The following LRRC7 variants were observed in gnomAD, a reference collection of about 807,000 sequenced individuals.
LRRC7 encodes leucine rich repeat containing 7.
Under a neutral mutation model 175.7 loss-of-function variants are expected in LRRC7, and 23 were observed. That is an observed-to-expected ratio of 0.13 (90% CI 0.09 to 0.19). LRRC7 has a LOEUF of 0.19. Ranked by LOEUF, LRRC7 falls within the 10% of genes least tolerant of loss-of-function variation. The probability of loss-of-function intolerance (pLI) is 1.00; values close to 1 mark genes in which losing one functional copy is unlikely to be tolerated. For missense variants in LRRC7, 1,354 were observed against 1,904.7 expected (o/e 0.71, Z 5.38); for synonymous variants, 685 against 680.9 (o/e 1.01, Z -0.09).
At chr1:70,082,279 G>A (rs1663262894) in intron 24 of LRRC7, among the ~76,000 whole-genome samples, 2 of 152,164 alleles carry the variant, frequency 1.3e-5, no homozygotes, top group African/African-American at 2.4e-5. Context: ...AAAGGTATTT[G>A]TAAAATAGGT....
chr1:69,828,123 C>G (rs7531255), intron 5 of LRRC7, among the ~76,000 whole-genome samples: 86,796 of 151,896 alleles, frequency 0.57, 24,923 homozygotes, highest in East Asian at 0.7. Flanking sequence ...CCCCTTTATT[C>G]CCAGGTAGTA....
intron 25 of LRRC7, among the ~76,000 whole-genome samples, chr1:70,091,501 A>G (rs974584705): frequency 6.6e-6 from 1 of 152,126 alleles, no homozygotes; most frequent in Admixed American, 6.6e-5. Context: ...TCTTTTCACT[A>G]TATTTTTGGA....
chr1:69,730,687 A>G (rs1485269186), intron 2 of LRRC7, among the ~76,000 whole-genome samples: 3 of 152,020 alleles, frequency 2.0e-5, no homozygotes, highest in Admixed American at 6.6e-5. Flanking sequence ...ACATTTTCCT[A>G]TCTTCTTCTG....
intron 4 of LRRC7, among the ~76,000 whole-genome samples, chr1:69,822,172 G>A (rs1300359296): frequency 1.3e-5 from 2 of 152,114 alleles, no homozygotes; most frequent in African/African-American, 2.4e-5. Flanking sequence ...GTCCCACAAA[G>A]CCAGGCTGTG....
intron 1 of LRRC7, among the ~76,000 whole-genome samples, chr1:69,663,421 A>G (rs893858207): frequency 2.0e-5 from 3 of 152,208 alleles, no homozygotes; most frequent in Non-Finnish European, 2.9e-5. Flanking sequence ...CATACAAATG[A>G]TATTAGGATA....
rs75069242 is a variant in LRRC7, at chr1:69,650,752, G to A, written c.3-27629G>A. Among the ~76,000 whole-genome samples the A allele has an allele frequency of 2.4e-3, 362 of 151,908 alleles. 2 individuals are homozygous for A. Among genetic ancestry groups the A allele is most frequent in the African/African-American group, 8.3e-3 (344 of 41,358 alleles). The stretch of plus-strand genomic sequence containing the variant: ...TATGTTGTGCAATTTCTTATAATCA[G>A]AAAATCTTAATCATTTCTTTTAAAA... On this transcript the variant is annotated intron_variant, in intron 1 of 26. Coordinates refer to ENST00000651989, the MANE Select transcript of LRRC7 (RefSeq NM_001370785.2).
At chr1:69,724,800 A>T (rs1264697200) in intron 2 of LRRC7, among the ~76,000 whole-genome samples, 1 of 152,180 alleles carries the variant, frequency 6.6e-6, no homozygotes, top group African/African-American at 2.4e-5. Flanking sequence ...GAATTTTTTT[A>T]AATAAAATCA....
At chr1:70,070,822 C>T (rs1008325080) in intron 23 of LRRC7, among the ~76,000 whole-genome samples, 4 of 152,144 alleles carry the variant, frequency 2.6e-5, no homozygotes, top group Non-Finnish European at 5.9e-5. Flanking sequence ...TCTCTGACAC[C>T]ACCTCGTTAG....
intron 2 of LRRC7, among the ~76,000 whole-genome samples, chr1:69,748,615 T>C: frequency 6.6e-6 from 1 of 152,178 alleles, no homozygotes; most frequent in Non-Finnish European, 1.5e-5. Context: ...CAATAGACCA[T>C]GCCAAATCAT....
chr1:70,062,829 GT>G, intron 23 of LRRC7, among the ~76,000 whole-genome samples: 1 of 152,052 alleles, frequency 6.6e-6, no homozygotes, highest in East Asian at 1.9e-4. Context: ...ATTCATAGGT[GT>G]TTTTAAAGCT....
chr1:69,883,021 C>T (rs1686795883), intron 7 of LRRC7, among the ~76,000 whole-genome samples: 1 of 151,990 alleles, frequency 6.6e-6, no homozygotes, highest in South Asian at 2.1e-4. Flanking sequence ...CATTGTTGGA[C>T]ATTTGGGTTG....
intron 1 of LRRC7, among the ~76,000 whole-genome samples, chr1:69,589,385 C>T (rs1485973128): frequency 1.3e-5 from 2 of 152,110 alleles, no homozygotes; most frequent in Non-Finnish European, 2.9e-5. Context: ...AATCCTTCCA[C>T]CCTTTCAGCA....
intron 5 of LRRC7, among the ~76,000 whole-genome samples, chr1:69,832,523 A>T (rs1680643704): frequency 1.3e-5 from 2 of 152,182 alleles, no homozygotes; most frequent in Non-Finnish European, 2.9e-5. Flanking sequence ...CTTGCTAATA[A>T]ACTTTTATTC....
intron 2 of LRRC7, among the ~76,000 whole-genome samples, chr1:69,699,560 T>G (rs1302019959): frequency 2.6e-5 from 4 of 152,098 alleles, no homozygotes; most frequent in African/African-American, 9.6e-5. Flanking sequence ...GAGAATCCCT[T>G]CAGTGGCAGA....
At chr1:69,686,170 T>A (rs1229688107) in intron 2 of LRRC7, among the ~76,000 whole-genome samples, 2 of 152,130 alleles carry the variant, frequency 1.3e-5, no homozygotes, top group Non-Finnish European at 2.9e-5. Flanking sequence ...CCTTCAGCAA[T>A]GAAGGAGAAA....
chr1:69,880,923 T>C (rs1325007281), intron 7 of LRRC7, among the ~76,000 whole-genome samples: 1 of 152,230 alleles, frequency 6.6e-6, no homozygotes, highest in African/African-American at 2.4e-5. Context: ...GCCAGAATAA[T>C]GCATCTTGCA....
In LRRC7 at chr1:69,845,455, T is replaced by A. The variant is rs12139272; in HGVS notation, c.647+7172T>A. ...TTATTTTTCATATAAGTTCATTTAT[T>A]CTTTTTTAATAAGATTACTCCATAG... On this transcript the variant is annotated intron_variant, in intron 7 of 26. Transcript: ENST00000651989. 2.4e-3 allele frequency among the ~76,000 whole-genome samples: 367 copies of A among 152,218 alleles called. 2 individuals are homozygous for A. The highest frequency in any genetic ancestry group is 4.8e-3 in the Non-Finnish European group (326 of 67,996).
chr1:69,729,214 C>T (rs1667296293), intron 2 of LRRC7, among the ~76,000 whole-genome samples: 1 of 152,108 alleles, frequency 6.6e-6, no homozygotes, highest in African/African-American at 2.4e-5. Flanking sequence ...CACAGCCAAA[C>T]CATATCATTC....
chr1:69,888,996 A>T (rs542271082), intron 7 of LRRC7, among the ~76,000 whole-genome samples: 1 of 152,358 alleles, frequency 6.6e-6, no homozygotes, highest in East Asian at 1.9e-4. Flanking sequence ...TTTCCACTGC[A>T]TATAAACATT....
Sources: allele counts gnomAD v4.1 joint callset (sites outside exome capture counted in the v4.1 genomes callset), GRCh38; gene constraint gnomAD v4.1.1; transcripts MANE v1.5; gene names NCBI Gene and HGNC (gene_info 2026-07-23, HGNC 2026-07-21).